The following SMC4 variants were observed in gnomAD, a reference collection of about 807,000 sequenced individuals.
The protein encoded by SMC4 is structural maintenance of chromosomes 4.
In SMC4, 87 loss-of-function variants were observed where a neutral mutation model predicts 145.6. The ratio of observed to expected loss-of-function variants is 0.60; its 90% confidence interval spans 0.50 to 0.71. The LOEUF (loss-of-function observed/expected upper bound fraction) is 0.71, where lower values mean the gene tolerates loss of function less well. Ranked by LOEUF, SMC4 falls within the 30% of genes least tolerant of loss-of-function variation. The pLI, the probability that SMC4 is intolerant of heterozygous loss-of-function variation, is 0.00. For missense variants in SMC4, 1,447 were observed against 1,537.1 expected (o/e 0.94, Z 0.98); for synonymous variants, 558 against 500.7 (o/e 1.11, Z -1.53).
At position 160,423,741 on chromosome 3, in the gene SMC4, T is replaced by A; in HGVS notation, c.2246-20T>A. 1 of 1,610,254 alleles carries A rather than the reference T, an allele frequency of 6.2e-7. No individual in the cohort carries two copies. The highest frequency in any genetic ancestry group is 8.5e-7 in the Non-Finnish European group (1 of 1,177,768). On this transcript the variant is annotated intron_variant, in intron 14 of 23. Coordinates refer to ENST00000357388, the MANE Select transcript of SMC4 (RefSeq NM_001002800.3). ...TGTTGGGGAGACATCTGAAGCTGAC[T>A]TCTCTCCCCTGTTTTCCAGGTACAA...
In SMC4 at chr3:160,428,887, GA is replaced by G. The variant is rs761326069; in HGVS notation, c.2741del (p.Asp914ValfsTer12). 6.2e-7 allele frequency: 1 copy of G among 1,603,640 alleles called. No individual in the cohort carries two copies. The highest frequency in any genetic ancestry group is 1.1e-5 in the South Asian group (1 of 88,360). On this transcript the variant is annotated frameshift_variant, in exon 18 of 24. Transcript: ENST00000357388. LOFTEE classifies it high-confidence loss of function. ...DKLDKINKQL[D>X]ECASAITKAQ... ...ACTTGATAAAATAAATAAGCAATTAGATGAATGTGCTTCTGCTATTACTAAA... is the reference window on the plus strand; with the variant it reads ...ACTTGATAAAATAAATAAGCAATTAGTGAATGTGCTTCTGCTATTACTAAA...
Position 160,412,050 on chromosome 3 carries a change from G to C in SMC4, c.818G>C (p.Arg273Thr), listed in dbSNP as rs1196542918. The C allele has an allele frequency of 6.2e-7, 1 of 1,613,474 alleles. No homozygotes were observed. The highest frequency in any genetic ancestry group is 1.1e-5 in the South Asian group (1 of 91,048). Residue 273 changes from arginine to threonine, a missense_variant, in exon 6 of 24, where the codon AGA (arginine) becomes ACA (threonine). Physicochemically the swap from Arg to Thr is moderately conservative, Grantham distance 71. Transcript: ENST00000357388. ...LNEPIKVLCRRVEILNEHRGE... is the reference protein window; with the variant it reads ...LNEPIKVLCRTVEILNEHRGE... Reference sequence around the variant, plus strand: ...GAACCTATTAAAGTCTTGTGTCGGAGAGTTGAAATATTAAATGAACACAGA... The same window carrying C: ...GAACCTATTAAAGTCTTGTGTCGGACAGTTGAAATATTAAATGAACACAGA...
chr3:160,412,104 T>C lies in SMC4; in HGVS notation c.852+20T>C, dbSNP rs777554659. 4.4e-6 allele frequency: 7 copies of C among 1,598,828 alleles called. No individual in the cohort carries two copies. Among genetic ancestry groups the C allele is most frequent in the South Asian group, 3.3e-5 (3 of 89,654 alleles). ...GAGAAGGTGAATCATCTGTAGACTT[T>C]CATTGTAAATCAGAATGTTTCATTT... is the stretch of plus-strand genomic sequence containing the variant. On this transcript the variant is annotated intron_variant, in intron 6 of 23. Coordinates refer to ENST00000357388, the MANE Select transcript of SMC4 (RefSeq NM_001002800.3).
chr3:160,413,448 C>CTTTTTT, intron 7 of SMC4, 25 bp from the exon 8 acceptor site: 1 of 1,276,254 alleles, frequency 7.8e-7, no homozygotes, highest in African/African-American at 1.6e-5. Flanking sequence ...GCTTCAATTT[C>CTTTTTT]TTTTTTTTTT....
In SMC4 at chr3:160,411,928, T is replaced by C. The variant is rs1455391335; in HGVS notation, c.696T>C (p.Val232=). The change falls in exon 6 of 24, where the codon GTT becomes GTC. Residue 232 remains valine, a synonymous_variant. Coordinates refer to ENST00000357388, the MANE Select transcript of SMC4 (RefSeq NM_001002800.3). ...ATAACTTTTTTTTAAAGGGTGAAGT[T>C]GAACAAATTGCTATGATGAAACCAA... The part of the protein sequence containing the change: ...HNRFLILQGE[V]EQIAMMKPKG... 2 of 1,612,438 alleles carry C rather than the reference T, an allele frequency of 1.2e-6. No homozygotes were observed. The highest frequency in any genetic ancestry group is 1.7e-6 in the Non-Finnish European group (2 of 1,179,212).
At chr3:160,420,557 A>G (rs921712025) in intron 12 of SMC4, 183 bp from the exon 13 acceptor site, 2 of 492,580 alleles carry the variant, frequency 4.1e-6, no homozygotes, top group Non-Finnish European at 6.9e-6. Flanking sequence ...TGCTCATTAG[A>G]AATTCAAGCT....
chr3:160,423,865 A>T, intron 15 of SMC4, 25 bp downstream of exon 15: 1 of 1,565,302 alleles, frequency 6.4e-7, no homozygotes, highest in Non-Finnish European at 8.7e-7. Flanking sequence ...AATTGTATCC[A>T]GACTTTTTTT....
intron 6 of SMC4, 42 bp downstream of exon 6, chr3:160,412,126 A>G: frequency 1.9e-6 from 3 of 1,577,358 alleles, no homozygotes; most frequent in Non-Finnish European, 2.6e-6. Flanking sequence ...AGAATGTTTC[A>G]TTTATGATCT....
At chr3:160,402,974 A>G in intron 4 of SMC4, 107 bp downstream of exon 4, 1 of 763,056 alleles carries the variant, frequency 1.3e-6, no homozygotes, top group African/African-American at 1.8e-5. Flanking sequence ...ATTACAGCGG[A>G]AAGCATTGGT....
chr3:160,430,917 A>T (rs944802225), intron 19 of SMC4, 115 bp from the exon 20 acceptor site: 3 of 1,281,102 alleles, frequency 2.3e-6, no homozygotes, highest in Non-Finnish European at 2.2e-6. Flanking sequence ...AAATGCTTAA[A>T]TTATTTTAAA....
At chr3:160,432,245 T>C in intron 21 of SMC4, 38 bp from the exon 22 acceptor site, 1 of 1,392,852 alleles carries the variant, frequency 7.2e-7, no homozygotes, top group South Asian at 1.3e-5. Context: ...ATATCAAATT[T>C]ATCTGAATAG....
chr3:160,424,734 C>T (rs376744444), intron 15 of SMC4, 133 bp from the exon 16 acceptor site: 8 of 869,658 alleles, frequency 9.2e-6, no homozygotes, highest in African/African-American at 5.1e-5. Flanking sequence ...CGCTTGAACC[C>T]GGGAGGCGGA....
rs1258013250 is a variant in SMC4 at position 160,404,683 on chromosome 3, C to G, written c.687+179C>G. ...GCTGCTCTAGAAATTTAAGGAAATTCATTCAAAACTATGTTTTCATCATCA... is the reference window on the plus strand; with the variant it reads ...GCTGCTCTAGAAATTTAAGGAAATTGATTCAAAACTATGTTTTCATCATCA... On this transcript the variant is annotated intron_variant, in intron 5 of 23. Transcript: ENST00000357388. 5.3e-6 allele frequency: 4 copies of G among 756,074 alleles called. No individual in the cohort carries two copies. In the Admixed American group the frequency reaches 6.9e-5, roughly 13 times the overall value. 46.8% of individuals were successfully genotyped at this position (756,074 alleles called of 1,614,324 possible).
At chr3:160,415,189 T>C (rs1716452998) in intron 9 of SMC4, among the ~76,000 whole-genome samples, 2 of 152,106 alleles carry the variant, frequency 1.3e-5, no homozygotes, top group South Asian at 2.1e-4. Flanking sequence ...CTGGGCAACA[T>C]AGTAAGATCC....
chr3:160,426,827 T>C (rs188961271), intron 17 of SMC4, among the ~76,000 whole-genome samples: 2 of 152,300 alleles, frequency 1.3e-5, no homozygotes, highest in African/African-American at 4.8e-5. Context: ...GAAGGGATAG[T>C]GGATTATGCC....
At chr3:160,425,171 G>GT in intron 16 of SMC4, 152 bp downstream of exon 16, 1 of 1,204,490 alleles carries the variant, frequency 8.3e-7, no homozygotes, top group Non-Finnish European at 1.1e-6. Flanking sequence ...TGATGATTTT[G>GT]TTTCACTGAG....
chr3:160,432,605 G>A (rs1328235290), intron 22 of SMC4, 90 bp downstream of exon 22: 1 of 822,278 alleles, frequency 1.2e-6, no homozygotes. Flanking sequence ...GGATGTGAAG[G>A]CAAGATGTAC....
At chr3:160,430,981 A>G (rs1718340833) in intron 19 of SMC4, 51 bp from the exon 20 acceptor site, 1 of 1,533,944 alleles carries the variant, frequency 6.5e-7, no homozygotes, top group Non-Finnish European at 8.8e-7. Flanking sequence ...TAATGTGAAA[A>G]TGATGGCTCT....
At chr3:160,400,301 G>A (rs975940124) in intron 1 of SMC4, 8 of 152,516 alleles carry the variant, frequency 5.2e-5, no homozygotes, top group African/African-American at 1.9e-4. Context: ...GGCGCCAGGA[G>A]CTAAAGGGCG....
Sources: allele counts gnomAD v4.1 joint callset (sites outside exome capture counted in the v4.1 genomes callset), GRCh38; gene constraint gnomAD v4.1.1; transcripts MANE v1.5; gene names NCBI Gene and HGNC (gene_info 2026-07-23, HGNC 2026-07-21).